Variants in KCNT2 observed in about 807,000 individuals in gnomAD.
KCNT2 encodes the protein potassium channel subfamily T member 2.
Under a neutral mutation model 153.8 loss-of-function variants are expected in KCNT2, and 67 were observed. The ratio of observed to expected loss-of-function variants is 0.44; its 90% CI spans 0.36 to 0.53. The LOEUF is 0.53. KCNT2 is among the 20% of genes least tolerant of loss of function. The pLI is 0.00. For missense variants in KCNT2, 975 were observed against 1,354.8 expected, an observed-to-expected ratio of 0.72 and a Z score of 4.40; for synonymous variants, 500 against 458.8, an observed-to-expected ratio of 1.09 and a Z score of -1.15.
chr1:196,284,068 T>C (rs183282760), intron 23 of KCNT2, among the ~76,000 whole-genome samples: 157 of 148,952 alleles, frequency 1.1e-3, no homozygotes, highest in South Asian at 1.5e-3. Flanking sequence ...TCGTCTGTAT[T>C]AAAAATACAA....
At chr1:196,513,504 TA>T (rs1370328608) in intron 1 of KCNT2, among the ~76,000 whole-genome samples, 14 of 152,340 alleles carry the variant, frequency 9.2e-5, no homozygotes, top group Non-Finnish European at 1.8e-4. Context: ...GATATCGCTT[TA>T]TTTCCTCAAC....
chr1:196,248,428 C>A (rs541300812), intron 26 of KCNT2, among the ~76,000 whole-genome samples: 12 of 151,772 alleles, frequency 7.9e-5, no homozygotes, highest in Admixed American at 3.9e-4. Flanking sequence ...GAGGAAACAC[C>A]CATATAAATA....
intron 25 of KCNT2, among the ~76,000 whole-genome samples, chr1:196,275,408 G>A (rs1373208179): frequency 4.0e-4 from 1 of 2,524 alleles, no homozygotes; most frequent in Admixed American, 0.012. Flanking sequence ...TTTACTTTCT[G>A]CTGTGTTTGT....
chr1:196,318,715 CTGTT>C (rs1221857054), intron 20 of KCNT2, among the ~76,000 whole-genome samples: 1 of 151,678 alleles, frequency 6.6e-6, no homozygotes, highest in Non-Finnish European at 1.5e-5. Flanking sequence ...ATATTTTAGA[CTGTT>C]TGACCTTTAA....
chr1:196,428,090 A>G lies in KCNT2; in HGVS notation c.984+15T>C, dbSNP rs1673810870. On this transcript the variant is annotated intron_variant, in intron 10 of 27. Coordinates refer to ENST00000294725, the MANE Select transcript of KCNT2 (RefSeq NM_198503.5). ...GGTATGATCCAGTATAGCACATAAT[A>G]TAAGCCAAATGTACCTGGAGCCTAG... 6.2e-7 allele frequency: 1 copy of G among 1,606,156 alleles called. No individual in the cohort carries two copies. Among genetic ancestry groups the G allele is most frequent in the Non-Finnish European group, 8.5e-7 (1 of 1,173,612 alleles).
intron 22 of KCNT2, among the ~76,000 whole-genome samples, chr1:196,304,930 AT>A (rs1661491886): frequency 6.6e-6 from 1 of 152,124 alleles, no homozygotes; most frequent in African/African-American, 2.4e-5. Context: ...CAGCATTTTC[AT>A]GACATAGCAA....
chr1:196,504,243 T>G (rs186931698), intron 1 of KCNT2, among the ~76,000 whole-genome samples: 3,577 of 92,366 alleles, frequency 0.039, 166 homozygotes, highest in African/African-American at 0.13. Flanking sequence ...CCTCCCCCCA[T>G]CCCACAACAG....
intron 1 of KCNT2, among the ~76,000 whole-genome samples, chr1:196,603,033 G>A (rs890481066): frequency 2.6e-5 from 4 of 151,570 alleles, no homozygotes; most frequent in Admixed American, 1.3e-4. Context: ...TGATCCACCC[G>A]CCTCGGCCTC....
At chr1:196,335,464 T>A (rs1281791003) in intron 16 of KCNT2, among the ~76,000 whole-genome samples, 2 of 152,182 alleles carry the variant, frequency 1.3e-5, no homozygotes, top group Admixed American at 1.3e-4. Flanking sequence ...TACAGCATGT[T>A]ACTGTACTGA....
chr1:196,424,152 T>G (rs1012105899), intron 11 of KCNT2, among the ~76,000 whole-genome samples: 1 of 151,912 alleles, frequency 6.6e-6, no homozygotes, highest in South Asian at 2.1e-4. Context: ...GGAATTCTTC[T>G]TGTAAATATG....
chr1:196,430,286 G>A (rs1172994034), intron 8 of KCNT2, among the ~76,000 whole-genome samples: 2 of 151,980 alleles, frequency 1.3e-5, no homozygotes, highest in East Asian at 3.9e-4. Flanking sequence ...ACTAAAAGGT[G>A]AGACCATTAA....
At chr1:196,252,190 C>T (rs996595863) in intron 26 of KCNT2, among the ~76,000 whole-genome samples, 3 of 151,542 alleles carry the variant, frequency 2.0e-5, no homozygotes, top group Non-Finnish European at 3.0e-5. Context: ...GCACTATTGG[C>T]TATTAGTTAT....
intron 26 of KCNT2, among the ~76,000 whole-genome samples, chr1:196,245,215 T>C (rs536026410): frequency 1.3e-5 from 2 of 151,940 alleles, no homozygotes; most frequent in East Asian, 3.9e-4. Flanking sequence ...CTCAGGCAGG[T>C]TGTGGTGGCT....
intron 1 of KCNT2, among the ~76,000 whole-genome samples, chr1:196,513,072 C>A (rs769652287): frequency 1.3e-5 from 2 of 152,056 alleles, no homozygotes; most frequent in Non-Finnish European, 2.9e-5. Context: ...CTTTCTTCTC[C>A]CAATTAATTC....
rs532564457 is a variant in KCNT2 at position 196,441,120 on chromosome 1, T to C, written c.639-11363A>G. On this transcript the variant is annotated intron_variant, in intron 8 of 27. Coordinates refer to ENST00000294725, the MANE Select transcript of KCNT2 (RefSeq NM_198503.5). ...AGGAAGACTCAAAACTGTAACTCAT[T>C]AAAAAAATTGACATTCCACCTTTTT... Among the ~76,000 whole-genome samples the C allele has an allele frequency of 4.6e-5, 7 of 151,908 alleles. No individual in the cohort carries two copies. The East Asian group carries it at 1.4e-3, about 30-fold the overall frequency.
intron 14 of KCNT2, among the ~76,000 whole-genome samples, chr1:196,355,357 A>G (rs1050555090): frequency 6.6e-6 from 1 of 151,776 alleles, no homozygotes; most frequent in South Asian, 2.1e-4. Flanking sequence ...CAGACACAAT[A>G]TAAAGCATGG....
intron 21 of KCNT2, among the ~76,000 whole-genome samples, chr1:196,309,753 A>G (rs1438216565): frequency 1.3e-5 from 2 of 151,860 alleles, no homozygotes; most frequent in Admixed American, 6.6e-5. Context: ...AACACCATAA[A>G]TCTATTTCTG....
intron 21 of KCNT2, among the ~76,000 whole-genome samples, chr1:196,307,990 C>A (rs931432499): frequency 2.0e-5 from 3 of 151,690 alleles, no homozygotes; most frequent in Non-Finnish European, 4.4e-5. Context: ...TTGTCACAGA[C>A]AAAATTCCAT....
At chr1:196,493,725 C>T (rs147843676) in intron 1 of KCNT2, among the ~76,000 whole-genome samples, 161 of 152,118 alleles carry the variant, frequency 1.1e-3, no homozygotes, top group East Asian at 6.6e-3. Context: ...TGTGATGTTA[C>T]CCTCAACAGG....
Sources: gnomAD v4.1 joint callset for allele counts (sites outside exome capture counted in the v4.1 genomes callset) on GRCh38, gnomAD v4.1.1 for gene constraint, MANE v1.5 for transcripts, NCBI Gene and HGNC (gene_info 2026-07-23, HGNC 2026-07-21) for gene names.